The following SPATA45 variants were observed in gnomAD, a reference collection of about 807,000 sequenced individuals.
SPATA45 encodes the protein spermatogenesis-associated protein 45.
In SPATA45, 5 loss-of-function variants were observed where a neutral mutation model predicts 7.0. That is an observed-to-expected ratio of 0.71 (90% CI 0.37 to 1.50). The LOEUF is 1.50. Among genes scored for constraint, SPATA45 ranks in the 40% most tolerant of loss-of-function variants. The pLI, the probability that SPATA45 is intolerant of heterozygous loss-of-function variation, is 0.03. For synonymous variants in SPATA45, 40 were observed against 38.7 expected, an observed-to-expected ratio of 1.03 and a Z score of -0.13; for missense variants, 111 against 114.9, an observed-to-expected ratio of 0.97 and a Z score of 0.16.
chr1:212,830,866 T>G (rs951254285), intron 2 of SPATA45, among the ~76,000 whole-genome samples: 2 of 148,626 alleles, frequency 1.3e-5, no homozygotes, highest in African/African-American at 5.0e-5. Flanking sequence ...CCTGTAGTCC[T>G]AGCTACTCAG....
At chr1:212,842,209 C>T (rs1224476709) in intron 1 of SPATA45, among the ~76,000 whole-genome samples, 1 of 151,578 alleles carries the variant, frequency 6.6e-6, no homozygotes, top group East Asian at 2.0e-4. Flanking sequence ...GAAACCCGGT[C>T]TCTACTGAAA....
At chr1:212,844,270 A>G (rs1056106674) in intron 1 of SPATA45, among the ~76,000 whole-genome samples, 2 of 152,148 alleles carry the variant, frequency 1.3e-5, no homozygotes, top group African/African-American at 4.8e-5. Flanking sequence ...TACTCTCTAC[A>G]GTTCCCATAA....
intron 2 of SPATA45, among the ~76,000 whole-genome samples, chr1:212,833,041 G>T (rs1225354898): frequency 1.3e-5 from 2 of 151,474 alleles, no homozygotes; most frequent in Non-Finnish European, 3.0e-5. Context: ...AAGAAAGCTG[G>T]GTAAGGGATT....
intron 1 of SPATA45, among the ~76,000 whole-genome samples, chr1:212,844,276 C>T (rs1663746235): frequency 1.3e-5 from 2 of 152,236 alleles, no homozygotes; most frequent in Admixed American, 6.5e-5. Context: ...CTACAGTTCC[C>T]ATAACTTTCA....
At chr1:212,838,541 T>A (rs1214420408) in intron 1 of SPATA45, among the ~76,000 whole-genome samples, 1 of 151,634 alleles carries the variant, frequency 6.6e-6, no homozygotes, top group African/African-American at 2.4e-5. Flanking sequence ...CATACTCCTA[T>A]CATTTGATCC....
intron 2 of SPATA45, among the ~76,000 whole-genome samples, chr1:212,832,753 A>G (rs2102507453): frequency 6.6e-6 from 1 of 151,454 alleles, no homozygotes; most frequent in African/African-American, 2.4e-5. Flanking sequence ...ACAGCAACCA[A>G]CTAAGGTTGC....
intron 1 of SPATA45, among the ~76,000 whole-genome samples, chr1:212,844,200 G>T (rs553602812): frequency 6.6e-6 from 1 of 152,160 alleles, no homozygotes; most frequent in Non-Finnish European, 1.5e-5. Context: ...TGTGTGCAGC[G>T]GCTGCTGCTG....
intron 1 of SPATA45, among the ~76,000 whole-genome samples, chr1:212,837,657 C>T (rs1003891862): frequency 6.6e-6 from 1 of 151,498 alleles, no homozygotes. Context: ...AATAAAGTGG[C>T]CAGGCGCAGT....
intron 1 of SPATA45, among the ~76,000 whole-genome samples, chr1:212,846,512 C>G (rs908386765): frequency 3.9e-5 from 6 of 152,288 alleles, no homozygotes; most frequent in African/African-American, 1.4e-4. Context: ...CGTTCCACCA[C>G]TGTGATTTGT....
At chr1:212,842,250 C>A (rs1366799456) in intron 1 of SPATA45, among the ~76,000 whole-genome samples, 1 of 151,660 alleles carries the variant, frequency 6.6e-6, no homozygotes, top group Non-Finnish European at 1.5e-5. Flanking sequence ...TGGTGGCAGG[C>A]ACCTGTAATC....
At position 212,835,973 on chromosome 1, in the gene SPATA45, A is replaced by G; in HGVS notation, c.177T>C (p.Thr59=). The G allele has an allele frequency of 6.2e-7, 1 of 1,610,758 alleles. No individual in the cohort carries two copies. The highest frequency in any genetic ancestry group is 8.5e-7 in the Non-Finnish European group (1 of 1,177,346). ...GAACAGGCTCTTTGGTTGTGGTATC[A>G]GTAAAGGACTGATAGGCATCCGGGA... ...RHFPDAYQSF[T]DTTTKEPVPN... Residue 59 remains threonine, a synonymous_variant, in exon 2 of 3, where the codon ACT becomes ACC. Coordinates refer to ENST00000332912, the MANE Select transcript of SPATA45 (RefSeq NM_001024601.3).
chr1:212,835,786 A>T, intron 2 of SPATA45, 87 bp downstream of exon 2: 2 of 1,199,948 alleles, frequency 1.7e-6, no homozygotes, highest in Non-Finnish European at 2.3e-6. Context: ...CAGTGAGCTG[A>T]GATCGCGCCA....
intron 2 of SPATA45, among the ~76,000 whole-genome samples, chr1:212,833,521 A>T (rs1449485103): frequency 2.0e-5 from 3 of 150,872 alleles, no homozygotes; most frequent in African/African-American, 7.3e-5. Context: ...AAAAAAAAAA[A>T]AAATTAGCCA....
chr1:212,845,673 T>C (rs1663780111), intron 1 of SPATA45, among the ~76,000 whole-genome samples: 1 of 152,156 alleles, frequency 6.6e-6, no homozygotes, highest in African/African-American at 2.4e-5. Context: ...GAAGTCCTAT[T>C]CTTTACTTTT....
Position 212,830,264 on chromosome 1 carries a change from GAAAAAAT to G in SPATA45, c.278-10_278-4del, listed in dbSNP as rs1423054039. On this transcript the variant is annotated splice_polypyrimidine_tract_variant and splice_region_variant and intron_variant, in intron 2 of 2. Coordinates refer to ENST00000332912, the MANE Select transcript of SPATA45 (RefSeq NM_001024601.3). ...ACTTTATCCAAATATGGCATTATCT[GAAAAAAT>G]AAAAAATAAAAAGTATTTGTTATAT... 4 of 1,505,812 alleles carry G rather than the reference GAAAAAAT, an allele frequency of 2.7e-6. No homozygotes were observed. Among genetic ancestry groups the G allele is most frequent in the African/African-American group, 2.8e-5 (2 of 72,296 alleles). 93.3% of individuals were successfully genotyped at this position (1,505,812 alleles called of 1,614,324 possible).
intron 1 of SPATA45, among the ~76,000 whole-genome samples, chr1:212,842,137 G>A: frequency 6.6e-6 from 1 of 151,862 alleles, no homozygotes. Context: ...CATCACTTTG[G>A]GAGGCCGAGG....
At chr1:212,838,726 G>A (rs892607703) in intron 1 of SPATA45, among the ~76,000 whole-genome samples, 8 of 151,386 alleles carry the variant, frequency 5.3e-5, no homozygotes, top group African/African-American at 1.9e-4. Context: ...TTTTGAGACA[G>A]GGTCTCTTTC....
intron 1 of SPATA45, among the ~76,000 whole-genome samples, chr1:212,844,791 T>C (rs569791099): frequency 1.3e-5 from 2 of 152,248 alleles, no homozygotes; most frequent in East Asian, 3.9e-4. Flanking sequence ...TACGCAAGTA[T>C]CCTCTATCAT....
Position 212,836,017 on chromosome 1 carries a change from T to A in SPATA45, c.133A>T (p.Arg45Ter). 6.2e-7 allele frequency: 1 copy of A among 1,611,440 alleles called. No individual in the cohort carries two copies. The highest frequency in any genetic ancestry group is 8.5e-7 in the Non-Finnish European group (1 of 1,178,072). The change falls in exon 2 of 3, where the codon AGA (arginine) becomes TGA (stop). Residue 45 changes from arginine (R) to a stop codon, truncating the protein, a stop_gained. Transcript: ENST00000332912. LOFTEE classifies it high-confidence loss of function. ...TCCGGGAAGTGCCTCTTTTGAACTCTCAGTAAGCTGACTTGATTGCTTCGT... is the reference window on the plus strand; with the variant it reads ...TCCGGGAAGTGCCTCTTTTGAACTCACAGTAAGCTGACTTGATTGCTTCGT... ...VERSNQVSLL[R>*]VQKRHFPDAY...
Sources: gnomAD v4.1 joint callset for allele counts (sites outside exome capture counted in the v4.1 genomes callset) on GRCh38, gnomAD v4.1.1 for gene constraint, MANE v1.5 for transcripts, NCBI Gene and HGNC (gene_info 2026-07-23, HGNC 2026-07-21) for gene names.